The following CACNB2 variants were observed in gnomAD, a reference collection of about 807,000 sequenced individuals.
The protein encoded by CACNB2 is voltage-dependent L-type calcium channel subunit beta-2.
A neutral mutation model predicts 73.3 loss-of-function variants in CACNB2; 42 were observed. The observed-to-expected ratio is 0.57, with a 90% CI of 0.45 to 0.74. CACNB2 has a LOEUF of 0.74. CACNB2 is among the 30% of genes least tolerant of loss of function. The pLI, the probability that CACNB2 is intolerant of heterozygous loss-of-function variation, is 0.00. For missense variants in CACNB2, 940 were observed against 853.0 expected (o/e 1.10, Z -1.27); for synonymous variants, 348 against 310.3 (o/e 1.12, Z -1.28).
intron 3 of CACNB2, among the ~76,000 whole-genome samples, chr10:18,470,411 G>C (rs11014390): frequency 0.3 from 45,356 of 149,038 alleles, 6,981 homozygotes; most frequent in Non-Finnish European, 0.32. Flanking sequence ...GTTACATATA[G>C]TATATAACAT....
chr10:18,426,069 T>G (rs2045584255), intron 3 of CACNB2, among the ~76,000 whole-genome samples: 1 of 152,240 alleles, frequency 6.6e-6, no homozygotes, highest in Non-Finnish European at 1.5e-5. Context: ...AACTGACTAT[T>G]CTTGGACCTT....
At chr10:18,226,987 C>A (rs2036016677) in intron 2 of CACNB2, among the ~76,000 whole-genome samples, 1 of 152,030 alleles carries the variant, frequency 6.6e-6, no homozygotes, top group Non-Finnish European at 1.5e-5. Flanking sequence ...AGGAGAATGG[C>A]CACTTAAATG....
intron 3 of CACNB2, among the ~76,000 whole-genome samples, chr10:18,417,622 C>A (rs900191515): frequency 2.0e-5 from 3 of 151,928 alleles, no homozygotes; most frequent in Non-Finnish European, 4.4e-5. Context: ...CCTGCCTTGG[C>A]CTCCCGAAGT....
At position 18,149,073 on chromosome 10, in the gene CACNB2, A is replaced by G. The variant is rs142001735; in HGVS notation, c.121-1810A>G. Among the ~76,000 whole-genome samples the G allele has an allele frequency of 4.0e-3, 607 of 152,106 alleles. 4 individuals carry two copies. Among genetic ancestry groups the G allele is most frequent in the Non-Finnish European group, 6.5e-3 (442 of 68,004 alleles). On this transcript the variant is annotated intron_variant, in intron 1 of 13. Transcript: ENST00000324631. ...TTCTCAAAGATAATTCATGTTCCTC[A>G]TGAGGATAAACGGTGAATTTAACAA...
chr10:18,292,450 G>C (rs1328915865), intron 2 of CACNB2, among the ~76,000 whole-genome samples: 1 of 152,180 alleles, frequency 6.6e-6, no homozygotes, highest in Non-Finnish European at 1.5e-5. Flanking sequence ...GAGGTCAAGA[G>C]TTCGAGACCA....
chr10:18,209,730 T>C (rs1252753160), intron 2 of CACNB2, among the ~76,000 whole-genome samples: 1 of 152,170 alleles, frequency 6.6e-6, no homozygotes, highest in African/African-American at 2.4e-5. Context: ...CACCATAATA[T>C]GGTCTTTTTT....
chr10:18,298,790 T>C (rs183271268), intron 2 of CACNB2, among the ~76,000 whole-genome samples: 1 of 152,216 alleles, frequency 6.6e-6, no homozygotes, highest in East Asian at 1.9e-4. Flanking sequence ...AATCCCTCAT[T>C]TAAAGGTAAG....
chr10:18,517,683 C>T (rs1011270725), intron 7 of CACNB2, among the ~76,000 whole-genome samples: 8 of 152,112 alleles, frequency 5.3e-5, no homozygotes, highest in Non-Finnish European at 1.2e-4. Flanking sequence ...CCAAAAAATT[C>T]AATAGCATTA....
At chr10:18,373,179 G>A (rs1589168281) in intron 2 of CACNB2, among the ~76,000 whole-genome samples, 1 of 152,246 alleles carries the variant, frequency 6.6e-6, no homozygotes, top group South Asian at 2.1e-4. Flanking sequence ...TTGTAAAGAA[G>A]CCTCTTTTTG....
intron 2 of CACNB2, among the ~76,000 whole-genome samples, chr10:18,378,724 C>G (rs527293921): frequency 6.6e-6 from 1 of 152,164 alleles, no homozygotes; most frequent in Non-Finnish European, 1.5e-5. Context: ...GCACTCCAGT[C>G]TGGGGAAACC....
chr10:18,536,174 A>C lies in CACNB2; in HGVS notation c.1280A>C (p.Asp427Ala), dbSNP rs747264159. ...CTCAACGTCCAGATGGTAGCAGCTG[A>C]TAAACTGGCTCAGTGTCCTCCAGTA... ...KHLNVQMVAADKLAQCPPELF... is the reference protein window; with the variant it reads ...KHLNVQMVAAAKLAQCPPELF... The change falls in exon 12 of 14, where the codon GAT (aspartate) becomes GCT (alanine). Residue 427 changes from aspartate to alanine, a missense_variant. Coordinates refer to ENST00000324631, the MANE Select transcript of CACNB2 (RefSeq NM_201596.3). The C allele has an allele frequency of 6.3e-7, 1 of 1,590,282 alleles. No homozygotes were observed. The highest frequency in any genetic ancestry group is 1.1e-5 in the South Asian group (1 of 90,560).
intron 1 of CACNB2, among the ~76,000 whole-genome samples, chr10:18,144,929 G>A (rs369699336): frequency 3.9e-5 from 6 of 152,174 alleles, no homozygotes; most frequent in African/African-American, 9.7e-5. Context: ...TAGCTCCTGC[G>A]TGAAGGTTGG....
chr10:18,164,732 T>C (rs1282524079), intron 2 of CACNB2, among the ~76,000 whole-genome samples: 1 of 152,118 alleles, frequency 6.6e-6, no homozygotes, highest in Non-Finnish European at 1.5e-5. Context: ...TAGTCTTTTT[T>C]ACTCAAAGCA....
At chr10:18,244,577 A>C (rs1588828159) in intron 2 of CACNB2, among the ~76,000 whole-genome samples, 1 of 152,186 alleles carries the variant, frequency 6.6e-6, no homozygotes. Context: ...GTTAATTTCA[A>C]ATTTCTGGAC....
At chr10:18,474,660 A>G (rs1263097722) in intron 3 of CACNB2, among the ~76,000 whole-genome samples, 4 of 152,038 alleles carry the variant, frequency 2.6e-5, no homozygotes, top group South Asian at 2.1e-4. Context: ...ATGCAACTCA[A>G]TGTTGGCTTC....
chr10:18,412,955 T>G (rs1239042103), intron 3 of CACNB2, among the ~76,000 whole-genome samples: 1 of 152,102 alleles, frequency 6.6e-6, no homozygotes, highest in Non-Finnish European at 1.5e-5. Context: ...CATGTTTTAT[T>G]TTATTGTGTT....
intron 2 of CACNB2, among the ~76,000 whole-genome samples, chr10:18,186,112 T>C (rs1362640806): frequency 6.6e-6 from 1 of 152,188 alleles, no homozygotes; most frequent in Non-Finnish European, 1.5e-5. Context: ...TAGACCATTC[T>C]CACATTACTA....
chr10:18,527,447 A>G, intron 9 of CACNB2, 141 bp from the exon 10 acceptor site: 4 of 636,328 alleles, frequency 6.3e-6, no homozygotes, highest in Non-Finnish European at 2.8e-6. Flanking sequence ...AAAAATGAAT[A>G]AGTAAGTATC....
intron 2 of CACNB2, among the ~76,000 whole-genome samples, chr10:18,281,834 G>T (rs192819112): frequency 2.0e-5 from 3 of 151,928 alleles, no homozygotes; most frequent in Non-Finnish European, 4.4e-5. Flanking sequence ...CAAAAAATTA[G>T]CCGGGCATGA....
Sources: allele counts gnomAD v4.1 joint callset (sites outside exome capture counted in the v4.1 genomes callset), GRCh38; gene constraint gnomAD v4.1.1; transcripts MANE v1.5; gene names NCBI Gene and HGNC (gene_info 2026-07-23, HGNC 2026-07-21).